The following DUOX2 variants were observed in gnomAD, a reference collection of about 807,000 sequenced individuals.
DUOX2 encodes the protein NADH/NADPH thyroid oxidase p138-tox.
A neutral mutation model predicts 183.3 loss-of-function variants in DUOX2; 185 were observed. The observed-to-expected ratio is 1.01, with a 90% CI of 0.90 to 1.14. The LOEUF (loss-of-function observed/expected upper bound fraction) is 1.14. Among genes scored for constraint, DUOX2 ranks in the 50% most tolerant of loss-of-function variants. The pLI is 0.00. For missense variants in DUOX2, 1,999 were observed against 2,022.9 expected (o/e 0.99, Z 0.23); for synonymous variants, 788 against 812.4 (o/e 0.97, Z 0.51).
chr15:45,095,634 G>A, intron 30 of DUOX2, 39 bp from the exon 31 acceptor site: 1 of 1,613,928 alleles, frequency 6.2e-7, no homozygotes. Context: ...GCCTGACCCT[G>A]CCCCAGCTCT....
chr15:45,094,877 C>T, intron 32 of DUOX2, 59 bp downstream of exon 32: 3 of 1,610,094 alleles, frequency 1.9e-6, no homozygotes, highest in African/African-American at 1.3e-5. Context: ...GGCCATCCTG[C>T]CTTACGCTGC....
chr15:45,112,660 C>A lies in DUOX2; in HGVS notation c.219G>T (p.Leu73=). The change falls in exon 4 of 34, where the codon CTG becomes CTT. Residue 73 remains leucine, a synonymous_variant. Transcript: ENST00000389039. ...ANYADGVYQA[L]EEPQLPNPRR... ...GCGGGTTGGGCAGCTGCGGCTCCTCCAGAGCCTGATACACACCGTCGGCGT... is the reference window on the plus strand; with the variant it reads ...GCGGGTTGGGCAGCTGCGGCTCCTCAAGAGCCTGATACACACCGTCGGCGT... The A allele has an allele frequency of 6.2e-7, 1 of 1,612,902 alleles. No individual in the cohort carries two copies. Among genetic ancestry groups the A allele is most frequent in the Non-Finnish European group, 8.5e-7 (1 of 1,179,908 alleles).
rs777383439 is a variant in DUOX2, at chr15:45,104,164, C to T, written c.2536G>A (p.Asp846Asn). The T allele has an allele frequency of 1.2e-6, 2 of 1,614,160 alleles. No homozygotes were observed. The highest frequency in any genetic ancestry group is 1.7e-6 in the Non-Finnish European group (2 of 1,180,028). Residue 846 changes from aspartate (D) to asparagine (N), a missense_variant, in exon 19 of 34, where the codon GAC becomes AAC. Transcript: ENST00000389039. ...NGYLSFREFLDILVVFMKGSP... is the reference protein window; with the variant it reads ...NGYLSFREFLNILVVFMKGSP... ...CCTTTCATGAAGACCACCAGGATGT[C>T]CAGGAACTCTCGGAAGGACAGGTAG...
intron 11 of DUOX2, 72 bp from the exon 12 acceptor site, chr15:45,109,024 G>A: frequency 5.7e-6 from 9 of 1,578,488 alleles, no homozygotes; most frequent in South Asian, 1.1e-5. Context: ...CCTTGTATCT[G>A]ACTATTGGCA....
In DUOX2 at chr15:45,107,228, T is replaced by C. The variant is rs1260474520; in HGVS notation, c.1693+117A>G. ...GGGAGCCAGCCAAATGCAGGCCTCC[T>C]AGCCCAACACAGAAGGTGCCTGGCT... is the stretch of plus-strand genomic sequence containing the variant. On this transcript the variant is annotated intron_variant, in intron 14 of 33. Coordinates refer to ENST00000389039, the MANE Select transcript of DUOX2 (RefSeq NM_001363711.2). 3 of 1,387,790 alleles carry C rather than the reference T, an allele frequency of 2.2e-6. No individual in the cohort carries two copies. The Admixed American group carries it at 5.0e-5, about 23-fold the overall frequency. 86.0% of individuals were successfully genotyped at this position (1,387,790 alleles called of 1,614,324 possible). A position where few individuals can be genotyped will look rare whatever the true frequency, so the allele number is the denominator to read the frequency against.
chr15:45,108,204 C>A lies in DUOX2; in HGVS notation c.1417G>T (p.Ala473Ser). 2 of 1,614,150 alleles carry A rather than the reference C, an allele frequency of 1.2e-6. No individual in the cohort carries two copies. Among genetic ancestry groups the A allele is most frequent in the Non-Finnish European group, 1.7e-6 (2 of 1,180,024 alleles). The change falls in exon 13 of 34, where the codon GCC becomes TCC. Residue 473 changes from alanine to serine, a missense_variant. By Grantham distance (99) the Ala-to-Ser change is moderately conservative. Around this residue, in one of 3 missense-constraint regions of DUOX2, gnomAD observed 1,628 missense variants for 1,608.6 expected, o/e 1.01. Transcript: ENST00000389039. Reference protein sequence around the residue: ...VDPQVLEATAALYNQDLSQLE... With the variant: ...VDPQVLEATASLYNQDLSQLE... ...TGGGATAGGTCCTGGTTGTACAGGG[C>A]AGCTGTGGCCTCCAGCACCTGGGGC...
chr15:45,094,519 CAGG>C, intron 33 of DUOX2, 41 bp downstream of exon 33: 1 of 1,585,892 alleles, frequency 6.3e-7, no homozygotes, highest in Non-Finnish European at 8.6e-7. Flanking sequence ...GATGTCCTGG[CAGG>C]AGAAGGCCAG....
chr15:45,113,083 G>C lies in DUOX2; in HGVS notation c.71-7C>G, dbSNP rs752511554. The C allele has an allele frequency of 6.2e-7, 1 of 1,613,034 alleles. No homozygotes were observed. Among genetic ancestry groups the C allele is most frequent in the Admixed American group, 1.7e-5 (1 of 59,892 alleles). ...GAGAGTGCGTCCTGACTGCCTGTGG[G>C]CACAGAGAAGGGCCTCCTCAGCACT... is the stretch of plus-strand genomic sequence containing the variant. On this transcript the variant is annotated splice_polypyrimidine_tract_variant and splice_region_variant and intron_variant, in intron 2 of 33. Coordinates refer to ENST00000389039, the MANE Select transcript of DUOX2 (RefSeq NM_001363711.2).
chr15:45,093,740 T>C lies in DUOX2; in HGVS notation c.*410A>G. 4.1e-6 allele frequency: 1 copy of C among 246,610 alleles called. No individual in the cohort carries two copies. The highest frequency in any genetic ancestry group is 5.5e-5 in the South Asian group (1 of 18,082). 15.3% of individuals were successfully genotyped at this position (246,610 alleles called of 1,614,324 possible). A position where few individuals can be genotyped will look rare whatever the true frequency, so the allele number is the denominator to read the frequency against. On this transcript the variant is annotated 3_prime_UTR_variant, in exon 34 of 34. Transcript: ENST00000389039. ...TATCGGAGACAAGCACTATTGTACCTTTTCACCTCCACACTTGTCACAAGC... is the reference window on the plus strand; with the variant it reads ...TATCGGAGACAAGCACTATTGTACCCTTTCACCTCCACACTTGTCACAAGC...
chr15:45,111,386 T>A lies in DUOX2; in HGVS notation c.713A>T (p.Tyr238Phe). 6.9e-7 allele frequency: 1 copy of A among 1,446,566 alleles called. No individual in the cohort carries two copies. Among genetic ancestry groups the A allele is most frequent in the Non-Finnish European group, 9.1e-7 (1 of 1,103,150 alleles). The allele number at this position is 1,446,566 out of a possible 1,614,324, so 89.6% of individuals were successfully genotyped here. A position where few individuals can be genotyped will look rare whatever the true frequency, so the allele number is the denominator to read the frequency against. The change falls in exon 6 of 34, where the codon TAC (tyrosine) becomes TTC (phenylalanine). Residue 238 changes from tyrosine to phenylalanine, a missense_variant and splice_region_variant. Transcript: ENST00000389039. ...ATGQNGPRGL[Y>F]AFGAERGNRE... is the part of the protein sequence containing the mutation. ...CCGTCCCGCCCCTGTGGCCTCACCG[T>A]ACAGCCCCCGGGGCCCGTTCTGCCC...
intron 12 of DUOX2, 52 bp downstream of exon 12, chr15:45,108,737 G>T: frequency 6.3e-7 from 1 of 1,577,156 alleles, no homozygotes; most frequent in African/African-American, 1.3e-5. Context: ...GTTTGGAACA[G>T]TATTGCCATA....
chr15:45,112,346 G>C (rs1894450703), intron 4 of DUOX2, among the ~76,000 whole-genome samples: 1 of 152,174 alleles, frequency 6.6e-6, no homozygotes, highest in African/African-American at 2.4e-5. Flanking sequence ...GGAATAAGGC[G>C]TAAGAGAAAG....
chr15:45,113,948 G>A (rs1894529761), intron 1 of DUOX2, 25 bp downstream of exon 1: 1 of 194,272 alleles, frequency 5.1e-6, no homozygotes, highest in African/African-American at 2.3e-5. Flanking sequence ...GAGGGCTAGG[G>A]TCAGATCCCA....
chr15:45,095,609 G>T lies in DUOX2; in HGVS notation c.4081-14C>A. The T allele has an allele frequency of 8.1e-6, 13 of 1,614,200 alleles. No homozygotes were observed. The highest frequency in any genetic ancestry group is 2.2e-5 in the South Asian group (2 of 91,078). Reference sequence around the variant, plus strand: ...ATCAAGGTACAGCTGCCAAGAGAGGGGGGAGATGAAATGAGCCTGACCCTG... The same window carrying T: ...ATCAAGGTACAGCTGCCAAGAGAGGTGGGAGATGAAATGAGCCTGACCCTG... On this transcript the variant is annotated splice_polypyrimidine_tract_variant and intron_variant, in intron 30 of 33. Coordinates refer to ENST00000389039, the MANE Select transcript of DUOX2 (RefSeq NM_001363711.2).
chr15:45,109,815 G>A (rs1485263373), intron 10 of DUOX2, 75 bp downstream of exon 10: 3 of 1,475,598 alleles, frequency 2.0e-6, no homozygotes, highest in Non-Finnish European at 2.8e-6. Context: ...CAAGAACTGG[G>A]ATTGTTGCTT....
rs746012866 is a variant in DUOX2, at chr15:45,105,681, G to A, written c.2296C>T (p.Arg766Cys). The A allele has an allele frequency of 1.7e-5, 27 of 1,614,090 alleles. No individual in the cohort carries two copies. The highest frequency in any genetic ancestry group is 1.5e-4 in the South Asian group (14 of 91,096). The change falls in exon 18 of 34, where the codon CGC (arginine) becomes TGC (cysteine). Residue 766 changes from arginine to cysteine, a missense_variant. Physicochemically the swap from Arg to Cys is radical, Grantham distance 180. Coordinates refer to ENST00000389039, the MANE Select transcript of DUOX2 (RefSeq NM_001363711.2). ...TGTCTGAAGAAGATCTCCAGGATGC[G>A]TTCCCGCTGCTGCTTTGTCACAGCC... ...RKAVTKQQRE[R>C]ILEIFFRHLF... is the part of the protein sequence containing the mutation.
chr15:45,109,518 G>A lies in DUOX2; in HGVS notation c.1234+6C>T, dbSNP rs768051410. 6.8e-6 allele frequency: 11 copies of A among 1,613,726 alleles called. No homozygotes were observed. The highest frequency in any genetic ancestry group is 9.3e-6 in the Non-Finnish European group (11 of 1,179,858). ...TACCATCCACCCCTTCTGGCTCTGA[G>A]CTCACCCCTCAGATCTTCAACCACT... On this transcript the variant is annotated splice_donor_region_variant and intron_variant, in intron 11 of 33. Transcript: ENST00000389039.
intron 11 of DUOX2, 105 bp from the exon 12 acceptor site, chr15:45,109,057 A>AC: frequency 7.1e-7 from 1 of 1,414,632 alleles, no homozygotes. Context: ...CCTCCTGGCT[A>AC]CCCCCAGTGA....
chr15:45,111,926 C>T lies in DUOX2; in HGVS notation c.355G>A (p.Val119Met). The T allele has an allele frequency of 1.9e-6, 3 of 1,613,684 alleles. No homozygotes were observed. The East Asian group carries it at 6.7e-5, about 36-fold the overall frequency. ...GYHVLSDVVS[V>M]ETPGCPAEFL... is the part of the protein sequence containing the mutation. ...TCGGCGGGGCAACCGGGCGTTTCCA[C>T]GCTCACCACGTCGGAAAGAACATGG... is the stretch of plus-strand genomic sequence containing the variant. Residue 119 changes from valine to methionine, a missense_variant, in exon 5 of 34, where the codon GTG becomes ATG. This residue lies in a region of DUOX2 where 356 missense variants were observed against 356.4 expected (regional missense o/e 1.00). Transcript: ENST00000389039.
Sources: allele counts gnomAD v4.1 joint callset (sites outside exome capture counted in the v4.1 genomes callset), GRCh38; gene constraint gnomAD v4.1.1; regional missense constraint gnomAD v4.1.1; transcripts MANE v1.5; gene names NCBI Gene and HGNC (gene_info 2026-07-23, HGNC 2026-07-21).